Variants in ECHDC1 observed in about 807,000 individuals in gnomAD.
ECHDC1 encodes the protein ethylmalonyl-CoA decarboxylase 1.
Under a neutral mutation model 29.7 loss-of-function variants are expected in ECHDC1, and 29 were observed. The ratio of observed to expected loss-of-function variants is 0.98; its 90% confidence interval spans 0.73 to 1.33. The LOEUF (loss-of-function observed/expected upper bound fraction) is 1.33. Among genes scored for constraint, ECHDC1 ranks in the 40% most tolerant of loss-of-function variants. ECHDC1 has a pLI of 0.00. For synonymous variants in ECHDC1, 126 were observed against 123.1 expected, an observed-to-expected ratio of 1.02 and a Z score of -0.15; for missense variants, 328 against 350.0, an observed-to-expected ratio of 0.94 and a Z score of 0.50.
At chr6:127,304,027 G>C (rs1465842226) in intron 5 of ECHDC1, among the ~76,000 whole-genome samples, 1 of 152,182 alleles carries the variant, frequency 6.6e-6, no homozygotes, top group Non-Finnish European at 1.5e-5. Flanking sequence ...TGATTGTAGA[G>C]TCCTAGTCCC....
At chr6:127,334,941 C>T (rs1001703139) in intron 1 of ECHDC1, among the ~76,000 whole-genome samples, 5 of 151,502 alleles carry the variant, frequency 3.3e-5, no homozygotes, top group Admixed American at 3.3e-4. Flanking sequence ...TTCTGAGGTA[C>T]ATACTTTGTG....
chr6:127,290,846 G>A (rs1208246838), intron 5 of ECHDC1, among the ~76,000 whole-genome samples: 1 of 152,014 alleles, frequency 6.6e-6, no homozygotes, highest in Non-Finnish European at 1.5e-5. Flanking sequence ...TAAAGTCAGT[G>A]GCAATGAGTG....
intron 3 of ECHDC1, among the ~76,000 whole-genome samples, chr6:127,325,884 G>T (rs1275750911): frequency 1.3e-5 from 2 of 151,774 alleles, no homozygotes; most frequent in Non-Finnish European, 2.9e-5. Flanking sequence ...TAATTTTTTG[G>T]TAGAGACAAG....
intron 5 of ECHDC1, among the ~76,000 whole-genome samples, chr6:127,311,590 C>T (rs1781905508): frequency 7.3e-6 from 1 of 137,330 alleles, no homozygotes; most frequent in Non-Finnish European, 1.5e-5. Flanking sequence ...AGGAGAATTG[C>T]TTGAACCTGG....
At chr6:127,338,499 A>T (rs1238602149) in intron 1 of ECHDC1, among the ~76,000 whole-genome samples, 1 of 152,144 alleles carries the variant, frequency 6.6e-6, no homozygotes, top group African/African-American at 2.4e-5. Flanking sequence ...GAATCCAATA[A>T]CATTAAATCA....
At position 127,296,165 on chromosome 6, in the gene ECHDC1, T is replaced by C. The variant is rs368636656; in HGVS notation, c.498-5888A>G. ...AATCCAGATGCAACTTTTAAAAAGA[T>C]TGATAGATATGACTACTTTTGTGTG... On this transcript the variant is annotated intron_variant, in intron 5 of 5. Transcript: ENST00000454859. 2.0e-5 allele frequency among the ~76,000 whole-genome samples: 3 copies of C among 152,330 alleles called. No individual in the cohort carries two copies. The South Asian group carries it at 6.2e-4, about 32-fold the overall frequency.
At chr6:127,305,908 C>CA (rs1159524676) in intron 5 of ECHDC1, among the ~76,000 whole-genome samples, 4 of 150,072 alleles carry the variant, frequency 2.7e-5, no homozygotes, top group Admixed American at 2.7e-4. Context: ...CAAAACAACC[C>CA]AAAAAACAAA....
chr6:127,323,322 G>C (rs1401101783), intron 3 of ECHDC1, among the ~76,000 whole-genome samples: 1 of 152,022 alleles, frequency 6.6e-6, no homozygotes, highest in Non-Finnish European at 1.5e-5. Flanking sequence ...ATCTTGGAGG[G>C]AAAAATCCGT....
At chr6:127,340,968 C>A (rs182911002) in intron 1 of ECHDC1, among the ~76,000 whole-genome samples, 13 of 152,234 alleles carry the variant, frequency 8.5e-5, no homozygotes, top group Admixed American at 3.3e-4. Context: ...AGTATGAACG[C>A]CATCAGATCT....
intron 1 of ECHDC1, 33 bp from the exon 2 acceptor site, chr6:127,331,063 G>A: frequency 3.3e-6 from 5 of 1,527,374 alleles, no homozygotes; most frequent in Middle Eastern, 1.7e-4. Context: ...CGGTAGTATA[G>A]ATGAATAGGC....
rs1325270288 is a variant in ECHDC1, at chr6:127,321,386, T to C, written c.364-4884A>G. Among the ~76,000 whole-genome samples the C allele has an allele frequency of 2.0e-5, 3 of 152,194 alleles. No homozygotes were observed. The East Asian group carries it at 5.8e-4, about 29-fold the overall frequency. On this transcript the variant is annotated intron_variant, in intron 3 of 5. Transcript: ENST00000454859. ...GCAGCTGTAACTCATATATAATACA[T>C]GTATAAGCCTCAAAAGTCCTGAGGC...
chr6:127,331,477 A>G (rs1450200914), intron 1 of ECHDC1, among the ~76,000 whole-genome samples: 1 of 152,158 alleles, frequency 6.6e-6, no homozygotes, highest in Admixed American at 6.5e-5. Context: ...CTCTTTCAGG[A>G]AATGATCAGT....
chr6:127,304,428 C>T (rs1340589073), intron 5 of ECHDC1, among the ~76,000 whole-genome samples: 2 of 152,032 alleles, frequency 1.3e-5, no homozygotes, highest in East Asian at 1.9e-4. Context: ...CAAGAAGGAC[C>T]ACTACGAACA....
chr6:127,318,377 G>A (rs1782566547), intron 3 of ECHDC1, among the ~76,000 whole-genome samples: 1 of 152,114 alleles, frequency 6.6e-6, no homozygotes, highest in Non-Finnish European at 1.5e-5. Context: ...TGTTTCAACA[G>A]TATTTTTATT....
chr6:127,292,161 T>C (rs559929213), intron 5 of ECHDC1, among the ~76,000 whole-genome samples: 1 of 152,054 alleles, frequency 6.6e-6, no homozygotes, highest in Non-Finnish European at 1.5e-5. Context: ...GAGCTGTGCC[T>C]ATAATGGAGT....
intron 1 of ECHDC1, chr6:127,341,710 T>C (rs1036667060): frequency 6.6e-6 from 1 of 152,024 alleles, no homozygotes; most frequent in Non-Finnish European, 1.5e-5. Flanking sequence ...TCTGCAAAGG[T>C]GATCTGTTTC....
At chr6:127,315,291 T>C in intron 4 of ECHDC1, 1 of 363,316 alleles carries the variant, frequency 2.8e-6, no homozygotes, top group Non-Finnish European at 5.4e-6. Context: ...TTTTTGTTGG[T>C]ATCAGGTTAA....
In ECHDC1 at chr6:127,288,843, ACT is replaced by A. The variant is rs1779849003; in HGVS notation, c.*1024_*1025del. On this transcript the variant is annotated 3_prime_UTR_variant, in exon 6 of 6. Transcript: ENST00000454859. ...GAGTCTGTCTAACCATATTTTCCTA[ACT>A]CAACAGTAGGATCATGATGGTAAGG... 9 of 152,126 alleles carry A rather than the reference ACT, an allele frequency of 5.9e-5. No homozygotes were observed. In the South Asian group the frequency reaches 1.9e-3, roughly 32 times the overall value. 9.4% of individuals were successfully genotyped at this position (152,126 alleles called of 1,614,324 possible). A position where few individuals can be genotyped will look rare whatever the true frequency, so the allele number is the denominator to read the frequency against.
At chr6:127,335,192 G>A (rs754715383) in intron 1 of ECHDC1, among the ~76,000 whole-genome samples, 34 of 152,054 alleles carry the variant, frequency 2.2e-4, no homozygotes, top group Non-Finnish European at 4.3e-4. Flanking sequence ...TGGCCTTCAA[G>A]TGACATTTTT....
Sources: allele counts gnomAD v4.1 joint callset (sites outside exome capture counted in the v4.1 genomes callset), GRCh38; gene constraint gnomAD v4.1.1; transcripts MANE v1.5; gene names NCBI Gene and HGNC (gene_info 2026-07-23, HGNC 2026-07-21).